Variants in ATRNL1 observed in about 807,000 individuals in gnomAD.
ATRNL1 encodes the protein attractin like 1.
Under a neutral mutation model 182.7 loss-of-function variants are expected in ATRNL1, and 95 were observed. That is an observed-to-expected ratio of 0.52 (90% CI 0.44 to 0.62). The LOEUF (loss-of-function observed/expected upper bound fraction) is 0.62. ATRNL1 is among the 20% of genes least tolerant of loss of function. The pLI is 0.00. For missense variants in ATRNL1, 1,471 were observed against 1,679.5 expected, an observed-to-expected ratio of 0.88 and a Z score of 2.17; for synonymous variants, 576 against 568.3, an observed-to-expected ratio of 1.01 and a Z score of -0.19.
intron 28 of ATRNL1, among the ~76,000 whole-genome samples, chr10:115,865,524 T>C (rs1951420484): frequency 6.6e-6 from 1 of 152,182 alleles, no homozygotes; most frequent in Non-Finnish European, 1.5e-5. Context: ...TAACCTACAA[T>C]TTTTATATAT....
chr10:115,883,937 T>TGAC (rs1951885115), intron 28 of ATRNL1, among the ~76,000 whole-genome samples: 8 of 152,212 alleles, frequency 5.3e-5, no homozygotes, highest in African/African-American at 1.9e-4. Flanking sequence ...ACATTTTGAG[T>TGAC]AGCTTGGTGT....
intron 26 of ATRNL1, among the ~76,000 whole-genome samples, chr10:115,554,228 G>T (rs1412542324): frequency 2.0e-5 from 3 of 151,462 alleles, no homozygotes; most frequent in African/African-American, 7.2e-5. Flanking sequence ...ACTGTTGCTT[G>T]TCATTTGCTT....
At chr10:115,199,504 C>T (rs2144290238) in intron 8 of ATRNL1, among the ~76,000 whole-genome samples, 1 of 151,996 alleles carries the variant, frequency 6.6e-6, no homozygotes, top group African/African-American at 2.4e-5. Context: ...GTGGGGGTTG[C>T]AGTGAGCTGA....
chr10:115,223,882 AATAT>A (rs1176351254), intron 9 of ATRNL1, among the ~76,000 whole-genome samples: 1 of 121,360 alleles, frequency 8.2e-6, no homozygotes, highest in Non-Finnish European at 1.7e-5. Flanking sequence ...ATGTGTATTT[AATAT>A]ATGTGTGTGT....
chr10:115,320,733 T>C (rs1854539315), intron 18 of ATRNL1, among the ~76,000 whole-genome samples: 3 of 152,186 alleles, frequency 2.0e-5, no homozygotes, highest in Admixed American at 1.3e-4. Context: ...TGTTTTTTTT[T>C]CAGCTCCATC....
rs1194412732 is a variant in ATRNL1 at position 115,625,480 on chromosome 10, A to G, written c.3795+75944A>G. 1.6e-4 allele frequency among the ~76,000 whole-genome samples: 24 copies of G among 152,180 alleles called. 1 individual carries two copies. The highest frequency in any genetic ancestry group is 1.8e-4 in the Non-Finnish European group (12 of 68,024). ...ACCTTTTTTGTTAAGAAAAATCACT[A>G]TTGTTGCTGAAAAATATTACACATG... is the stretch of plus-strand genomic sequence containing the variant. On this transcript the variant is annotated intron_variant, in intron 26 of 28. Coordinates refer to ENST00000355044, the MANE Select transcript of ATRNL1 (RefSeq NM_207303.4).
At chr10:115,409,014 CTTTGTTCTTTTT>C (rs1845002138) in intron 20 of ATRNL1, among the ~76,000 whole-genome samples, 2 of 152,258 alleles carry the variant, frequency 1.3e-5, no homozygotes, top group East Asian at 3.9e-4. Flanking sequence ...ATACCTCCAG[CTTTGTTCTTTTT>C]TGCTCAGGAT....
intron 28 of ATRNL1, among the ~76,000 whole-genome samples, chr10:115,917,492 A>T (rs1952905089): frequency 6.7e-6 from 1 of 149,558 alleles, no homozygotes; most frequent in Non-Finnish European, 1.5e-5. Flanking sequence ...AAAAGAAAAA[A>T]AAAACGGGGC....
At chr10:115,363,457 A>G (rs1217149701) in intron 19 of ATRNL1, among the ~76,000 whole-genome samples, 1 of 145,070 alleles carries the variant, frequency 6.9e-6, no homozygotes, top group African/African-American at 2.5e-5. Context: ...ATTTTCTCCC[A>G]TTTTGTAGGT....
At chr10:115,513,523 C>T (rs1453206457) in intron 24 of ATRNL1, among the ~76,000 whole-genome samples, 1 of 151,858 alleles carries the variant, frequency 6.6e-6, no homozygotes, top group African/African-American at 2.4e-5. Context: ...GTACCTGGTA[C>T]AATGCCCAGA....
intron 27 of ATRNL1, among the ~76,000 whole-genome samples, chr10:115,764,149 C>T (rs1485493442): frequency 2.0e-5 from 3 of 152,116 alleles, no homozygotes; most frequent in African/African-American, 7.2e-5. Context: ...AAATTAAAGA[C>T]TTTATTTTTT....
intron 4 of ATRNL1, chr10:115,128,338 G>A (rs1845064512): frequency 5.7e-6 from 1 of 175,164 alleles, no homozygotes; most frequent in African/African-American, 2.4e-5. Context: ...TGAGGGTGAA[G>A]TAATGAGAGA....
chr10:115,237,832 C>G (rs1850251101), intron 9 of ATRNL1, among the ~76,000 whole-genome samples: 1 of 152,070 alleles, frequency 6.6e-6, no homozygotes, highest in Non-Finnish European at 1.5e-5. Flanking sequence ...CCTGCGTTAT[C>G]TTCTGGGAGT....
intron 26 of ATRNL1, among the ~76,000 whole-genome samples, chr10:115,700,536 C>G (rs541631493): frequency 5.9e-5 from 9 of 152,002 alleles, no homozygotes; most frequent in Middle Eastern, 3.4e-3. Context: ...CCACTTTTTA[C>G]TGGGGTTATT....
intron 28 of ATRNL1, among the ~76,000 whole-genome samples, chr10:115,921,271 GA>G (rs1450068270): frequency 6.6e-6 from 1 of 151,922 alleles, no homozygotes; most frequent in Non-Finnish European, 1.5e-5. Flanking sequence ...GACAAAAAGA[GA>G]AAAAAATAAT....
chr10:115,170,699 A>G (rs545802186), intron 7 of ATRNL1, among the ~76,000 whole-genome samples: 7 of 152,182 alleles, frequency 4.6e-5, no homozygotes. Flanking sequence ...TAAGTTCTTT[A>G]TTAGCTTATT....
intron 25 of ATRNL1, among the ~76,000 whole-genome samples, chr10:115,536,845 AG>A (rs1224855785): frequency 4.6e-5 from 7 of 152,268 alleles, no homozygotes; most frequent in African/African-American, 1.7e-4. Flanking sequence ...TGAAGAAAAA[AG>A]GTGAACCTAA....
intron 24 of ATRNL1, among the ~76,000 whole-genome samples, chr10:115,485,200 T>G (rs529630398): frequency 6.6e-6 from 1 of 152,160 alleles, no homozygotes; most frequent in African/African-American, 2.4e-5. Flanking sequence ...TAAAAATATA[T>G]ATAACATTTA....
At chr10:115,821,951 C>G (rs1251407762) in intron 27 of ATRNL1, among the ~76,000 whole-genome samples, 4 of 152,184 alleles carry the variant, frequency 2.6e-5, no homozygotes, top group Non-Finnish European at 2.9e-5. Flanking sequence ...CTACAGAACT[C>G]TCCACCCCAA....
Sources: allele counts gnomAD v4.1 joint callset (sites outside exome capture counted in the v4.1 genomes callset), GRCh38; gene constraint gnomAD v4.1.1; transcripts MANE v1.5; gene names NCBI Gene and HGNC (gene_info 2026-07-23, HGNC 2026-07-21).